Variants in LNPK observed in about 807,000 individuals in gnomAD.
LNPK encodes the protein endoplasmic reticulum junction formation protein lunapark.
Under a neutral mutation model 55.2 loss-of-function variants are expected in LNPK, and 29 were observed. The ratio of observed to expected loss-of-function variants is 0.53; its 90% CI spans 0.39 to 0.72. The LOEUF (loss-of-function observed/expected upper bound fraction) is 0.72, where lower values mean the gene tolerates loss of function less well. Ranked by LOEUF, LNPK falls within the 30% of genes least tolerant of loss-of-function variation. The pLI is 0.00. For synonymous variants in LNPK, 162 were observed against 168.2 expected (o/e 0.96, Z 0.29); for missense variants, 467 against 494.8 (o/e 0.94, Z 0.53).
intron 8 of LNPK, among the ~76,000 whole-genome samples, chr2:175,949,395 T>C (rs1685296528): frequency 6.6e-6 from 1 of 152,118 alleles, no homozygotes; most frequent in Admixed American, 6.6e-5. Flanking sequence ...ATATTAGGAT[T>C]TGATAATTTA....
At chr2:175,992,698 G>T (rs1687760057) in intron 3 of LNPK, among the ~76,000 whole-genome samples, 1 of 152,010 alleles carries the variant, frequency 6.6e-6, no homozygotes, top group African/African-American at 2.4e-5. Flanking sequence ...AATGAAATTG[G>T]TATCGGCAAT....
intron 1 of LNPK, among the ~76,000 whole-genome samples, chr2:175,996,712 T>C (rs1330000562): frequency 5.3e-5 from 8 of 152,178 alleles, no homozygotes; most frequent in East Asian, 1.9e-4. Context: ...CTCCCTGACA[T>C]TGTATACAAG....
intron 1 of LNPK, among the ~76,000 whole-genome samples, chr2:176,001,675 G>T (rs765907461): frequency 6.6e-6 from 1 of 152,130 alleles, no homozygotes; most frequent in Non-Finnish European, 1.5e-5. Flanking sequence ...GTCCCTTCTG[G>T]TCTTTCTAAC....
chr2:175,978,373 C>T (rs1424150115), intron 5 of LNPK, among the ~76,000 whole-genome samples: 1 of 152,050 alleles, frequency 6.6e-6, no homozygotes, highest in Non-Finnish European at 1.5e-5. Context: ...GACAATTTCA[C>T]TTGGTGGTGT....
At position 175,928,262 on chromosome 2, in the gene LNPK, A is replaced by C. The variant is rs1684094712; in HGVS notation, c.*1705T>G. On this transcript the variant is annotated 3_prime_UTR_variant, in exon 13 of 13. Coordinates refer to ENST00000272748, the MANE Select transcript of LNPK (RefSeq NM_030650.3). ...AACTTATGGTCCTTGCATATTTTAAAGACATTAATAAGAACAAATGCCATC... is the reference window on the plus strand; with the variant it reads ...AACTTATGGTCCTTGCATATTTTAACGACATTAATAAGAACAAATGCCATC... 6.6e-6 allele frequency: 1 copy of C among 152,176 alleles called. No homozygotes were observed. Among genetic ancestry groups the C allele is most frequent in the African/African-American group, 2.4e-5 (1 of 41,448 alleles). The allele number at this position is 152,176 out of a possible 1,614,324, so 9.4% of individuals were successfully genotyped here. A position where few individuals can be genotyped will look rare whatever the true frequency, so the allele number is the denominator to read the frequency against.
intron 6 of LNPK, 93 bp from the exon 7 acceptor site, chr2:175,964,682 T>C (rs1318176207): frequency 5.0e-5 from 35 of 694,432 alleles, no homozygotes; most frequent in South Asian, 2.2e-4. Context: ...ATATCCTTAA[T>C]ATATCCAAAT....
intron 8 of LNPK, among the ~76,000 whole-genome samples, chr2:175,948,635 C>A (rs1343334830): frequency 1.3e-5 from 2 of 152,184 alleles, no homozygotes; most frequent in African/African-American, 4.8e-5. Context: ...TTTTTCAATT[C>A]TACCTATCAC....
At chr2:175,933,582 G>T (rs1370640481) in intron 12 of LNPK, among the ~76,000 whole-genome samples, 1 of 151,692 alleles carries the variant, frequency 6.6e-6, no homozygotes, top group African/African-American at 2.4e-5. Context: ...AAGAAACAAA[G>T]GTATAAATTT....
At chr2:175,994,491 T>A (rs977801797) in intron 2 of LNPK, among the ~76,000 whole-genome samples, 14 of 152,230 alleles carry the variant, frequency 9.2e-5, no homozygotes, top group African/African-American at 3.1e-4. Context: ...CTACCTTATC[T>A]CCTCTTACTT....
chr2:175,930,252 A>T, intron 12 of LNPK, 53 bp from the exon 13 acceptor site: 1 of 1,422,054 alleles, frequency 7.0e-7, no homozygotes, highest in South Asian at 1.2e-5. Context: ...TAAAACTGCT[A>T]AATAAGGCAA....
chr2:175,943,952 T>C (rs903229158), intron 9 of LNPK, among the ~76,000 whole-genome samples: 6 of 151,936 alleles, frequency 3.9e-5, no homozygotes, highest in Non-Finnish European at 8.8e-5. Flanking sequence ...GAAAAATAAA[T>C]AGAAGAAAAC....
chr2:175,965,184 T>A (rs1394594583), intron 6 of LNPK, among the ~76,000 whole-genome samples: 1 of 152,138 alleles, frequency 6.6e-6, no homozygotes, highest in Admixed American at 6.5e-5. Context: ...CAAACAACTT[T>A]AGAGGAAAAA....
At chr2:175,974,037 T>G (rs1686774598) in intron 5 of LNPK, among the ~76,000 whole-genome samples, 1 of 152,218 alleles carries the variant, frequency 6.6e-6, no homozygotes, top group Non-Finnish European at 1.5e-5. Flanking sequence ...TATGGAGCAA[T>G]TCTGCAATAA....
chr2:175,985,556 T>C (rs113410110), intron 4 of LNPK, among the ~76,000 whole-genome samples: 18 of 152,218 alleles, frequency 1.2e-4, no homozygotes, highest in African/African-American at 4.1e-4. Flanking sequence ...AAGGCATATC[T>C]TCCCGTTTTC....
rs1203541289 is a variant in LNPK at position 175,926,583 on chromosome 2, C to T, written c.*3384G>A. 1 of 152,222 alleles carries T rather than the reference C, an allele frequency of 6.6e-6. No individual in the cohort carries two copies. The highest frequency in any genetic ancestry group is 1.9e-4 in the East Asian group (1 of 5,198). The allele number at this position is 152,222 out of a possible 1,614,324, so 9.4% of individuals were successfully genotyped here. A position where few individuals can be genotyped will look rare whatever the true frequency, so the allele number is the denominator to read the frequency against. ...TACTCTCTCTACAACTCAGCTTTCT[C>T]TTCTAGTAGTCCAAAGATAAAAATC... On this transcript the variant is annotated 3_prime_UTR_variant, in exon 13 of 13. Transcript: ENST00000272748.
chr2:175,993,972 A>G (rs1048443580), intron 2 of LNPK, among the ~76,000 whole-genome samples: 7 of 152,316 alleles, frequency 4.6e-5, no homozygotes, highest in Admixed American at 6.5e-5. Flanking sequence ...TCAACAGGTT[A>G]TCTTCTTTCT....
At position 175,992,438 on chromosome 2, in the gene LNPK, C is replaced by A; in HGVS notation, c.70-20G>T. On this transcript the variant is annotated intron_variant, in intron 3 of 12. Transcript: ENST00000272748. The stretch of plus-strand genomic sequence containing the variant: ...AATTTCCTGTTAAGAGAAAATTATT[C>A]CATGTTAGTAAATTTCAAACTTCAT... The A allele has an allele frequency of 7.3e-7, 1 of 1,379,254 alleles. No individual in the cohort carries two copies. The highest frequency in any genetic ancestry group is 1.5e-5 in the South Asian group (1 of 67,080). The allele number at this position is 1,379,254 out of a possible 1,614,324, so 85.4% of individuals were successfully genotyped here.
intron 9 of LNPK, among the ~76,000 whole-genome samples, chr2:175,941,318 G>T (rs1287080172): frequency 8.6e-6 from 1 of 115,834 alleles, no homozygotes; most frequent in Non-Finnish European, 2.1e-5. Context: ...TATAATTGGG[G>T]TCCATCAAGA....
At chr2:175,955,369 G>A (rs186242543) in intron 8 of LNPK, among the ~76,000 whole-genome samples, 223 of 152,312 alleles carry the variant, frequency 1.5e-3, no homozygotes, top group African/African-American at 5.1e-3. Context: ...CAACTTGCCA[G>A]CTGTGTAAAC....
Sources: allele counts gnomAD v4.1 joint callset (sites outside exome capture counted in the v4.1 genomes callset), GRCh38; gene constraint gnomAD v4.1.1; transcripts MANE v1.5; gene names NCBI Gene and HGNC (gene_info 2026-07-23, HGNC 2026-07-21).